Variants in LRRK2 observed in about 807,000 individuals in gnomAD.
LRRK2 encodes the protein leucine-rich repeat serine/threonine-protein kinase 2.
In LRRK2, 203 loss-of-function variants were observed where a neutral mutation model predicts 302.6. The ratio of observed to expected loss-of-function variants is 0.67; its 90% CI spans 0.60 to 0.75. The LOEUF (loss-of-function observed/expected upper bound fraction) is 0.75, where lower values mean the gene tolerates loss of function less well. LRRK2 is among the 30% of genes least tolerant of loss of function. The probability of loss-of-function intolerance (pLI) is 0.00; values close to 1 mark genes in which losing one functional copy is unlikely to be tolerated. For synonymous variants in LRRK2, 1,066 were observed against 1,031.9 expected, an observed-to-expected ratio of 1.03 and a Z score of -0.63; for missense variants, 2,830 against 2,951.0, an observed-to-expected ratio of 0.96 and a Z score of 0.95.
chr12:40,232,472 C>T (rs1941248419), intron 3 of LRRK2, 89 bp downstream of exon 3: 3 of 935,546 alleles, frequency 3.2e-6, no homozygotes, highest in Non-Finnish European at 5.3e-6. Context: ...GTTTGCAATC[C>T]AAGGCTACTC....
At position 40,294,132 on chromosome 12, in the gene LRRK2, C is replaced by CATCTATCT. The variant is rs72446556; in HGVS notation, c.2808+509_2808+516dup. Among the ~76,000 whole-genome samples the CATCTATCT allele has an allele frequency of 8.3e-3, 1,241 of 149,200 alleles. 10 individuals are homozygous for CATCTATCT. The highest frequency in any genetic ancestry group is 0.014 in the Middle Eastern group (4 of 292). ...ATTCATTGTTCATCTATCTATCTAT[C>CATCTATCT]ATCTATCTATCTATCTATCTATCTA... On this transcript the variant is annotated intron_variant, in intron 21 of 50. Transcript: ENST00000298910.
chr12:40,298,171 A>G, intron 23 of LRRK2, 72 bp from the exon 24 acceptor site: 2 of 1,512,678 alleles, frequency 1.3e-6, no homozygotes, highest in Non-Finnish European at 1.8e-6. Context: ...GAGGTGTGTA[A>G]GGCAGAAATA....
At chr12:40,326,484 A>T (rs1400378059) in intron 38 of LRRK2, among the ~76,000 whole-genome samples, 2 of 151,648 alleles carry the variant, frequency 1.3e-5, no homozygotes, top group African/African-American at 4.8e-5. Context: ...AAAGAAAAAA[A>T]AAAAGAAAAA....
chr12:40,308,806 A>G (rs1207995481), intron 29 of LRRK2, 110 bp downstream of exon 29: 2 of 1,044,180 alleles, frequency 1.9e-6, no homozygotes, highest in Admixed American at 4.2e-5. Flanking sequence ...GACTGTATGG[A>G]ATTATTCCAA....
rs924925044 is a variant in LRRK2 at position 40,293,594 on chromosome 12, A to G, written c.2739A>G (p.Val913=). 1 of 1,611,386 alleles carries G rather than the reference A, an allele frequency of 6.2e-7. No individual in the cohort carries two copies. Among genetic ancestry groups the G allele is most frequent in the Admixed American group, 1.7e-5 (1 of 59,798 alleles). Reference sequence around the variant, plus strand: ...AAAAGAAATCTAATTCAATTAGTGTAGGAGAATTTTACCGAGATGCCGTAT... The same window carrying G: ...AAAAGAAATCTAATTCAATTAGTGTGGGAGAATTTTACCGAGATGCCGTAT... ...LVKKKSNSIS[V]GEFYRDAVLQ... Residue 913 remains valine (V), a synonymous_variant, in exon 21 of 51, where the codon GTA becomes GTG. Transcript: ENST00000298910.
intron 46 of LRRK2, among the ~76,000 whole-genome samples, chr12:40,357,908 GACTAC>G (rs147851429): frequency 0.033 from 4,946 of 152,128 alleles, 276 homozygotes; most frequent in African/African-American, 0.11. Context: ...GAGTAGCTGG[GACTAC>G]AGGCGTGTGC....
intron 41 of LRRK2, among the ~76,000 whole-genome samples, chr12:40,341,012 C>T (rs993843377): frequency 1.1e-4 from 17 of 152,112 alleles, no homozygotes; most frequent in South Asian, 2.1e-4. Context: ...GGGGGCTGGC[C>T]GTGACCCTAC....
At chr12:40,343,107 C>T (rs1047164721) in intron 41 of LRRK2, among the ~76,000 whole-genome samples, 1 of 152,218 alleles carries the variant, frequency 6.6e-6, no homozygotes, top group Non-Finnish European at 1.5e-5. Context: ...GAGCAGAGCT[C>T]CTGGTCCAGC....
chr12:40,238,573 A>G lies in LRRK2; in HGVS notation c.571+470A>G, dbSNP rs1056894966. Among the ~76,000 whole-genome samples, 124 of 152,116 alleles carry G rather than the reference A, an allele frequency of 8.2e-4. 1 individual carries two copies. The highest frequency in any genetic ancestry group is 2.9e-3 in the African/African-American group (121 of 41,432). ...GATTGATAACTGAGATTATTATGTA[A>G]TTTTAGAGTTGGTTGGAGTCCTTGT... On this transcript the variant is annotated intron_variant, in intron 5 of 50. Transcript: ENST00000298910.
intron 12 of LRRK2, 98 bp downstream of exon 12, chr12:40,257,475 A>G: frequency 6.9e-7 from 1 of 1,438,938 alleles, no homozygotes; most frequent in Non-Finnish European, 9.7e-7. Context: ...AGAAAAAGAA[A>G]AACATAAGAC....
In LRRK2 at chr12:40,364,983, T is replaced by C. The variant is rs558176427; in HGVS notation, c.7323T>C (p.Thr2441=). ...ATATTTTACTCCTGGATCTTTCAAC[T>C]CGTCGACTTATACGTGTAATTTACA... is the stretch of plus-strand genomic sequence containing the variant. ...GGHILLLDLS[T]RRLIRVIYNF... The change falls in exon 49 of 51, where the codon ACT becomes ACC. Residue 2441 remains threonine, a synonymous_variant. Coordinates refer to ENST00000298910, the MANE Select transcript of LRRK2 (RefSeq NM_198578.4). The C allele has an allele frequency of 6.2e-7, 1 of 1,612,738 alleles. No individual in the cohort carries two copies. Among genetic ancestry groups the C allele is most frequent in the East Asian group, 2.2e-5 (1 of 44,840 alleles).
In LRRK2 at chr12:40,359,303, T is replaced by C; in HGVS notation, c.6887T>C (p.Val2296Ala). ...TTGAAGATACTAAATATAGGAAATG[T>C]CAGTACTCCATTGATGTGTTTGAGT... ...APLKILNIGN[V>A]STPLMCLSES... The change falls in exon 47 of 51, where the codon GTC (valine) becomes GCC (alanine). Residue 2296 changes from valine to alanine, a missense_variant. By Grantham distance (64) the Val-to-Ala change is moderately conservative (BLOSUM62 0). Transcript: ENST00000298910. 1 of 1,613,048 alleles carries C rather than the reference T, an allele frequency of 6.2e-7. No individual in the cohort carries two copies. The highest frequency in any genetic ancestry group is 8.5e-7 in the Non-Finnish European group (1 of 1,179,520).
chr12:40,297,921 C>A (rs1469589357), intron 23 of LRRK2, among the ~76,000 whole-genome samples: 1 of 151,914 alleles, frequency 6.6e-6, no homozygotes, highest in Non-Finnish European at 1.5e-5. Flanking sequence ...ATCATTAATT[C>A]AAATATTTGT....
At chr12:40,329,762 T>C (rs1945659716) in intron 39 of LRRK2, among the ~76,000 whole-genome samples, 1 of 152,170 alleles carries the variant, frequency 6.6e-6, no homozygotes, top group Admixed American at 6.5e-5. Flanking sequence ...TTTTTAGAGA[T>C]GGAGTCTCAT....
In LRRK2 at chr12:40,303,963, T is replaced by A. The variant is rs776045739; in HGVS notation, c.3606T>A (p.Asp1202Glu). 1.2e-6 allele frequency: 2 copies of A among 1,613,718 alleles called. No individual in the cohort carries two copies. The highest frequency in any genetic ancestry group is 1.7e-6 in the Non-Finnish European group (2 of 1,179,732). Reference protein sequence around the residue: ...ILNLPHLRSLDMSSNDIQYLP... With the variant: ...ILNLPHLRSLEMSSNDIQYLP... ...ATTGTTTTAGCTTGCGGTCTTTAGA[T>A]ATGAGCAGCAATGATATTCAGTACC... The change falls in exon 27 of 51, where the codon GAT (aspartate) becomes GAA (glutamate). Residue 1202 changes from aspartate to glutamate, a missense_variant. Physicochemically the swap from Asp to Glu is conservative, Grantham distance 45 (BLOSUM62 2). Coordinates refer to ENST00000298910, the MANE Select transcript of LRRK2 (RefSeq NM_198578.4).
intron 2 of LRRK2, among the ~76,000 whole-genome samples, chr12:40,227,561 A>C (rs1298456787): frequency 6.6e-6 from 1 of 152,100 alleles, no homozygotes; most frequent in Non-Finnish European, 1.5e-5. Flanking sequence ...GCAATATTTT[A>C]TTTCTGTACC....
At chr12:40,349,096 A>G (rs1325266315) in intron 43 of LRRK2, among the ~76,000 whole-genome samples, 1 of 152,046 alleles carries the variant, frequency 6.6e-6, no homozygotes, top group African/African-American at 2.4e-5. Context: ...TGGAATTGAC[A>G]TTTTTATCTG....
intron 12 of LRRK2, among the ~76,000 whole-genome samples, chr12:40,258,509 CA>C (rs1432806393): frequency 6.6e-6 from 1 of 152,102 alleles, no homozygotes; most frequent in Non-Finnish European, 1.5e-5. Flanking sequence ...AGATTCTGGG[CA>C]AGGCATTTAA....
At chr12:40,326,334 T>C (rs1051776107) in intron 38 of LRRK2, among the ~76,000 whole-genome samples, 23 of 151,656 alleles carry the variant, frequency 1.5e-4, no homozygotes, top group South Asian at 2.1e-4. Flanking sequence ...CGTGGTGGTG[T>C]GGGCGGCTGT....
Sources: gnomAD v4.1 joint callset for allele counts (sites outside exome capture counted in the v4.1 genomes callset) on GRCh38, gnomAD v4.1.1 for gene constraint, MANE v1.5 for transcripts, NCBI Gene and HGNC (gene_info 2026-07-23, HGNC 2026-07-21) for gene names.